CCBE1: variants seen among roughly 807,000 people sequenced by gnomAD.
CCBE1 encodes the protein collagen and calcium binding EGF domains 1.
A neutral mutation model predicts 50.0 loss-of-function variants in CCBE1; 37 were observed. The observed-to-expected ratio is 0.74, with a 90% CI of 0.57 to 0.97. The LOEUF is 0.97. Among genes scored for constraint, CCBE1 ranks in the 50% least tolerant of loss-of-function variants. The probability of loss-of-function intolerance (pLI) is 0.00; values close to 1 mark genes in which losing one functional copy is unlikely to be tolerated. For synonymous variants in CCBE1, 234 were observed against 203.7 expected (o/e 1.15, Z -1.27); for missense variants, 538 against 523.8 (o/e 1.03, Z -0.26).
At chr18:59,515,719 G>A (rs1422475160) in intron 2 of CCBE1, among the ~76,000 whole-genome samples, 3 of 152,168 alleles carry the variant, frequency 2.0e-5, no homozygotes, top group African/African-American at 7.2e-5. Context: ...GATAGGCAGG[G>A]GAGGAGGCAG....
chr18:59,686,902 C>A (rs1029385163), intron 2 of CCBE1, among the ~76,000 whole-genome samples: 1 of 152,164 alleles, frequency 6.6e-6, no homozygotes, highest in Non-Finnish European at 1.5e-5. Flanking sequence ...GTAAGTTTTT[C>A]TAATCATTCA....
At chr18:59,596,921 G>A (rs1179981682) in intron 2 of CCBE1, among the ~76,000 whole-genome samples, 1 of 152,236 alleles carries the variant, frequency 6.6e-6, no homozygotes, top group African/African-American at 2.4e-5. Context: ...ACATGTGGAT[G>A]GCTAAATGCC....
At chr18:59,494,839 G>A (rs2143817816) in intron 2 of CCBE1, among the ~76,000 whole-genome samples, 2 of 152,278 alleles carry the variant, frequency 1.3e-5, no homozygotes, top group South Asian at 4.1e-4. Context: ...CATGGCAGAT[G>A]AAGCCAACAA....
chr18:59,509,762 C>T (rs560268792), intron 2 of CCBE1, among the ~76,000 whole-genome samples: 1 of 152,286 alleles, frequency 6.6e-6, no homozygotes, highest in Admixed American at 6.5e-5. Context: ...ACCTTGAAAT[C>T]CAGAGGGCTT....
At chr18:59,682,523 A>G (rs551890222) in intron 2 of CCBE1, among the ~76,000 whole-genome samples, 6 of 152,332 alleles carry the variant, frequency 3.9e-5, no homozygotes, top group Non-Finnish European at 7.3e-5. Flanking sequence ...AGCATCTGCT[A>G]CATTTCCTTA....
At position 59,448,084 on chromosome 18, in the gene CCBE1, T is replaced by C. The variant is rs1369578028; in HGVS notation, c.674A>G (p.Asn225Ser). Reference protein sequence around the residue: ...LKQKIALLPNNAADLGKYITG... With the variant: ...LKQKIALLPNSAADLGKYITG... Reference sequence around the variant, plus strand: ...GATATACTTGCCCAGGTCAGCTGCATTGTTGGGGAGCAGAGCAATCTGCAA... The same window carrying C: ...GATATACTTGCCCAGGTCAGCTGCACTGTTGGGGAGCAGAGCAATCTGCAA... Residue 225 changes from asparagine to serine, a missense_variant, in exon 7 of 11, where the codon AAT becomes AGT. Coordinates refer to ENST00000439986, the MANE Select transcript of CCBE1 (RefSeq NM_133459.4). The C allele has an allele frequency of 1.9e-6, 3 of 1,613,624 alleles. No individual in the cohort carries two copies. The highest frequency in any genetic ancestry group is 2.5e-6 in the Non-Finnish European group (3 of 1,179,942).
intron 2 of CCBE1, among the ~76,000 whole-genome samples, chr18:59,553,040 TCTC>T (rs1177229213): frequency 6.6e-6 from 1 of 152,082 alleles, no homozygotes; most frequent in Admixed American, 6.6e-5. Flanking sequence ...AGGAGGAGGA[TCTC>T]CTCCTCCATG....
chr18:59,502,746 C>A (rs1473050558), intron 2 of CCBE1, among the ~76,000 whole-genome samples: 1 of 152,056 alleles, frequency 6.6e-6, no homozygotes, highest in Admixed American at 6.5e-5. Flanking sequence ...TGCAGAAAGG[C>A]AAAGCATGTC....
intron 2 of CCBE1, among the ~76,000 whole-genome samples, chr18:59,578,913 C>T (rs1041111983): frequency 5.9e-5 from 9 of 152,114 alleles, no homozygotes; most frequent in African/African-American, 2.2e-4. Context: ...CGAACCTGCA[C>T]ATTCTGCACA....
At chr18:59,516,333 CT>C (rs1291737833) in intron 2 of CCBE1, among the ~76,000 whole-genome samples, 1 of 152,096 alleles carries the variant, frequency 6.6e-6, no homozygotes, top group African/African-American at 2.4e-5. Context: ...ACAGACTTTC[CT>C]CTTCAAAAAG....
intron 2 of CCBE1, among the ~76,000 whole-genome samples, chr18:59,561,398 G>T (rs1424285795): frequency 2.0e-5 from 3 of 152,162 alleles, no homozygotes; most frequent in Admixed American, 6.5e-5. Context: ...CTCAGCCTAG[G>T]GGGTGGAGTG....
At chr18:59,443,509 T>C (rs1598904781) in intron 7 of CCBE1, among the ~76,000 whole-genome samples, 1 of 151,276 alleles carries the variant, frequency 6.6e-6, no homozygotes, top group South Asian at 2.1e-4. Flanking sequence ...CTCTGTCACC[T>C]AGGCTGGAGT....
At chr18:59,548,154 C>CA (rs1568199953) in intron 2 of CCBE1, among the ~76,000 whole-genome samples, 3 of 152,164 alleles carry the variant, frequency 2.0e-5, no homozygotes, top group Non-Finnish European at 4.4e-5. Context: ...ATGAGTAAGA[C>CA]AACTGAGGTC....
At chr18:59,666,544 G>T (rs932253234) in intron 2 of CCBE1, among the ~76,000 whole-genome samples, 2 of 150,808 alleles carry the variant, frequency 1.3e-5, no homozygotes, top group African/African-American at 2.4e-5. Flanking sequence ...GGAAACTGCT[G>T]TATCAACCAT....
chr18:59,476,919 G>C (rs1912333082), intron 3 of CCBE1, among the ~76,000 whole-genome samples: 1 of 152,182 alleles, frequency 6.6e-6, no homozygotes, highest in South Asian at 2.1e-4. Flanking sequence ...GTGGAAGTGG[G>C]AGTGGCACCA....
intron 2 of CCBE1, among the ~76,000 whole-genome samples, chr18:59,630,631 G>A (rs893474341): frequency 5.3e-5 from 8 of 152,196 alleles, no homozygotes; most frequent in Admixed American, 2.0e-4. Context: ...GCTCAGCTGG[G>A]ACTGTCACCA....
At chr18:59,584,076 A>G (rs543271197) in intron 2 of CCBE1, among the ~76,000 whole-genome samples, 1 of 152,228 alleles carries the variant, frequency 6.6e-6, no homozygotes, top group Non-Finnish European at 1.5e-5. Context: ...CATTATTCAC[A>G]ATAGCAAAGA....
chr18:59,610,177 C>T (rs181803698), intron 2 of CCBE1, among the ~76,000 whole-genome samples: 5 of 152,314 alleles, frequency 3.3e-5, no homozygotes, highest in African/African-American at 1.2e-4. Flanking sequence ...GTGGCTAAAT[C>T]TGGCTGGAGT....
At chr18:59,648,124 A>C (rs562488058) in intron 2 of CCBE1, among the ~76,000 whole-genome samples, 155 of 152,360 alleles carry the variant, frequency 1.0e-3, no homozygotes, top group African/African-American at 3.4e-3. Context: ...TCTCCCCATA[A>C]AACACAGGGA....
Sources: gnomAD v4.1 joint callset for allele counts (sites outside exome capture counted in the v4.1 genomes callset) on GRCh38, gnomAD v4.1.1 for gene constraint, MANE v1.5 for transcripts, NCBI Gene and HGNC (gene_info 2026-07-23, HGNC 2026-07-21) for gene names.